Variants in RASSF3 observed in about 807,000 individuals in gnomAD.
RASSF3 encodes ras association domain-containing protein 3.
Under a neutral mutation model 19.9 loss-of-function variants are expected in RASSF3, and 19 were observed. The observed-to-expected ratio is 0.96, with a 90% confidence interval of 0.67 to 1.40. The LOEUF (loss-of-function observed/expected upper bound fraction) is 1.40, where lower values mean the gene tolerates loss of function less well. RASSF3 is among the 40% of genes most tolerant of loss of function. The pLI is 0.00. For missense variants in RASSF3, 306 were observed against 289.8 expected (o/e 1.06, Z -0.41); for synonymous variants, 110 against 104.2 (o/e 1.06, Z -0.34).
chr12:64,556,619 CCGGGGCCA>C (rs1869260590), intron 2 of RASSF3, among the ~76,000 whole-genome samples: 1 of 152,036 alleles, frequency 6.6e-6, no homozygotes, highest in Admixed American at 6.6e-5. Context: ...GGGTCTGCAG[CCGGGGCCA>C]TCAGTCAGTT....
At chr12:64,519,801 T>C (rs1868430437) in intron 1 of RASSF3, among the ~76,000 whole-genome samples, 1 of 152,122 alleles carries the variant, frequency 6.6e-6, no homozygotes, top group South Asian at 2.1e-4. Context: ...TATATATGTG[T>C]TTATAAGCGC....
intron 2 of RASSF3, among the ~76,000 whole-genome samples, chr12:64,553,214 CT>C (rs1408007713): frequency 6.6e-6 from 1 of 152,188 alleles, no homozygotes; most frequent in Non-Finnish European, 1.5e-5. Context: ...AAGTTGTTAG[CT>C]TTTCCTTTTC....
chr12:64,684,054 A>G (rs1395319779), intron 1 of RASSF3, among the ~76,000 whole-genome samples: 1 of 149,626 alleles, frequency 6.7e-6, no homozygotes, highest in Non-Finnish European at 1.5e-5. Flanking sequence ...GTAACATGCA[A>G]GAACAATAAG....
intron 2 of RASSF3, among the ~76,000 whole-genome samples, chr12:64,578,370 T>G (rs1371040973): frequency 1.3e-5 from 2 of 151,604 alleles, no homozygotes; most frequent in Non-Finnish European, 2.9e-5. Flanking sequence ...AAGAGATAAT[T>G]AGGCCAGGTG....
In RASSF3 at chr12:64,578,300, C is replaced by T. The variant is rs1424411662; in HGVS notation, c.294+36595C>T. ...GGAACTATGCTAAATGCTTTATGTA[C>T]GTTAATTTATTTAATTCCAACGACA... is the stretch of plus-strand genomic sequence containing the variant. On this transcript the variant is annotated intron_variant, in intron 2 of 5. Transcript: ENST00000637125. Among the ~76,000 whole-genome samples the T allele has an allele frequency of 3.3e-5, 5 of 152,098 alleles. No homozygotes were observed. In the East Asian group the frequency reaches 9.7e-4, roughly 29 times the overall value.
chr12:64,540,159 T>G (rs756394617), intron 1 of RASSF3, among the ~76,000 whole-genome samples: 11 of 152,224 alleles, frequency 7.2e-5, no homozygotes, highest in Non-Finnish European at 1.5e-4. Context: ...TCATTTTAAG[T>G]AGTATCTGAT....
intron 2 of RASSF3, among the ~76,000 whole-genome samples, chr12:64,685,904 A>G (rs1166621426): frequency 6.6e-6 from 1 of 152,164 alleles, no homozygotes; most frequent in Non-Finnish European, 1.5e-5. Context: ...GCCAGTTTCC[A>G]GGGCACTTGG....
At chr12:64,629,961 C>CAAAAAAAAAAAAAAAAAAAAAAAAAA (rs34700817) in intron 1 of RASSF3, 4 of 59,292 alleles carry the variant, frequency 6.7e-5, no homozygotes, top group Non-Finnish European at 1.1e-4. Context: ...GACTCCATCT[C>CAAAAAAAAAAAAAAAAAAAAAAAAAA]AAAAAAAAAA....
chr12:64,664,191 T>C lies in RASSF3; in HGVS notation c.112-20596T>C, dbSNP rs75883710. On this transcript the variant is annotated intron_variant, in intron 1 of 4. Coordinates refer to ENST00000542104, the MANE Select transcript of RASSF3 (RefSeq NM_178169.4). ...TCCACAACTTGACTGTTGTCAATCA[T>C]GGTTCTTTGCCTTTGGAGTGGTACT... Among the ~76,000 whole-genome samples the C allele has an allele frequency of 1.5e-3, 235 of 152,310 alleles. 5 individuals carry two copies. In the East Asian group the frequency reaches 0.027, roughly 18 times the overall value.
intron 2 of RASSF3, among the ~76,000 whole-genome samples, chr12:64,572,173 C>T (rs758574349): frequency 1.4e-4 from 21 of 152,006 alleles, no homozygotes; most frequent in Non-Finnish European, 2.5e-4. Flanking sequence ...TGAGCTGAAT[C>T]GTGTTCCCCC....
intron 1 of RASSF3, among the ~76,000 whole-genome samples, chr12:64,524,524 C>G (rs1473545784): frequency 1.3e-5 from 2 of 152,112 alleles, no homozygotes; most frequent in African/African-American, 4.8e-5. Flanking sequence ...CTTTGACTCT[C>G]AGCTGTTGTT....
intron 2 of RASSF3, among the ~76,000 whole-genome samples, chr12:64,556,835 T>C (rs918282562): frequency 1.0e-3 from 30 of 29,422 alleles, no homozygotes; most frequent in Admixed American, 4.2e-3. Context: ...CCCCTACCCC[T>C]TTTTTTTTTT....
intron 1 of RASSF3, among the ~76,000 whole-genome samples, chr12:64,674,886 C>A (rs1184583945): frequency 6.6e-6 from 1 of 152,002 alleles, no homozygotes; most frequent in African/African-American, 2.4e-5. Context: ...GGGTGGTACA[C>A]TTCGGTTTTC....
At chr12:64,569,742 G>A (rs1295060481) in intron 2 of RASSF3, among the ~76,000 whole-genome samples, 1 of 152,238 alleles carries the variant, frequency 6.6e-6, no homozygotes, top group African/African-American at 2.4e-5. Flanking sequence ...GGGGCGGGCA[G>A]ATCACTTGAG....
Position 64,547,612 on chromosome 12 carries a change from G to A in RASSF3, c.294+5907G>A, listed in dbSNP as rs535414189. Among the ~76,000 whole-genome samples the A allele has an allele frequency of 2.0e-5, 3 of 152,010 alleles. No individual in the cohort carries two copies. The South Asian group carries it at 6.3e-4, about 32-fold the overall frequency. On this transcript the variant is annotated intron_variant, in intron 2 of 5. Coordinates refer to the RASSF3 transcript ENST00000637125. Reference sequence around the variant, plus strand: ...GAAGGGAAGGAAGGACGGAAGGAAGGAAGGAAGGAACTTTTCAACTATAAA... The same window carrying A: ...GAAGGGAAGGAAGGACGGAAGGAAGAAAGGAAGGAACTTTTCAACTATAAA...
At chr12:64,604,951 G>A (rs1870163257) in intron 2 of RASSF3, among the ~76,000 whole-genome samples, 1 of 150,734 alleles carries the variant, frequency 6.6e-6, no homozygotes, top group Admixed American at 6.6e-5. Context: ...TCATCTTTGA[G>A]TTTGTCATAT....
chr12:64,525,391 T>A (rs961121109), intron 1 of RASSF3, among the ~76,000 whole-genome samples: 37 of 152,366 alleles, frequency 2.4e-4, no homozygotes, highest in African/African-American at 8.9e-4. Flanking sequence ...ATTGTGGGTC[T>A]GAGGGGGACT....
intron 2 of RASSF3, among the ~76,000 whole-genome samples, chr12:64,550,567 A>AT (rs1166115762): frequency 2.0e-5 from 3 of 152,040 alleles, no homozygotes; most frequent in African/African-American, 7.3e-5. Context: ...GACGTAGGAG[A>AT]TTCGCTTGAA....
intron 1 of RASSF3, among the ~76,000 whole-genome samples, chr12:64,520,272 G>A (rs1486550838): frequency 4.0e-5 from 6 of 150,756 alleles, no homozygotes; most frequent in Admixed American, 6.6e-5. Flanking sequence ...GGGTTCAAGC[G>A]ATTCTTCTGC....
Sources: allele counts gnomAD v4.1 joint callset (sites outside exome capture counted in the v4.1 genomes callset), GRCh38; gene constraint gnomAD v4.1.1; transcripts MANE v1.5; gene names NCBI Gene and HGNC (gene_info 2026-07-23, HGNC 2026-07-21).